Variants in HACD3 observed in about 807,000 individuals in gnomAD.
The protein encoded by HACD3 is very-long-chain (3R)-3-hydroxyacyl-CoA dehydratase 3.
Under a neutral mutation model 55.2 loss-of-function variants are expected in HACD3, and 30 were observed. That is an observed-to-expected ratio of 0.54 (90% CI 0.41 to 0.74). The LOEUF is 0.74. Among genes scored for constraint, HACD3 ranks in the 30% least tolerant of loss-of-function variants. HACD3 has a pLI of 0.00. For synonymous variants in HACD3, 141 were observed against 151.7 expected, an observed-to-expected ratio of 0.93 and a Z score of 0.52; for missense variants, 363 against 440.1, an observed-to-expected ratio of 0.82 and a Z score of 1.57.
At chr15:65,558,595 C>A in intron 4 of HACD3, 85 bp from the exon 5 acceptor site, 1 of 1,322,386 alleles carries the variant, frequency 7.6e-7, no homozygotes, top group South Asian at 1.3e-5. Context: ...TTGAGGGAGT[C>A]AGATTACTCA....
chr15:65,561,325 G>T (rs931121768), intron 5 of HACD3, among the ~76,000 whole-genome samples: 5 of 152,104 alleles, frequency 3.3e-5, no homozygotes, highest in African/African-American at 1.2e-4. Flanking sequence ...AATTAGCCGG[G>T]CGTGGTGGCG....
At chr15:65,570,995 T>G (rs565639090) in intron 8 of HACD3, among the ~76,000 whole-genome samples, 25 of 152,330 alleles carry the variant, frequency 1.6e-4, no homozygotes, top group Non-Finnish European at 2.8e-4. Flanking sequence ...AATGTGCTGA[T>G]GTAACAAGGT....
intron 2 of HACD3, among the ~76,000 whole-genome samples, chr15:65,554,108 C>G (rs530356272): frequency 1.3e-5 from 2 of 152,322 alleles, no homozygotes; most frequent in South Asian, 2.1e-4. Context: ...GTTTTAGATT[C>G]AGAGCTGTCC....
intron 1 of HACD3, chr15:65,535,809 G>T: frequency 1.6e-6 from 1 of 641,600 alleles, no homozygotes; most frequent in South Asian, 1.7e-5. Flanking sequence ...AGTCCTCCTG[G>T]CTCAGCCTAC....
At position 65,576,375 on chromosome 15, in the gene HACD3, A is replaced by T; in HGVS notation, c.1085A>T (p.His362Leu). 1 of 1,597,850 alleles carries T rather than the reference A, an allele frequency of 6.3e-7. No homozygotes were observed. The highest frequency in any genetic ancestry group is 1.7e-4 in the Middle Eastern group (1 of 5,762). Residue 362 changes from histidine to leucine, a missense_variant, in exon 11 of 11, where the codon CAC (histidine) becomes CTC (leucine). Coordinates refer to ENST00000261875, the MANE Select transcript of HACD3 (RefSeq NM_016395.4). ...RRYGQKKKKI[H>L] Reference sequence around the variant, plus strand: ...TATGGACAAAAAAAGAAAAAGATCCACTAAAAAGAAAGATTTAGATGGCTT... The same window carrying T: ...TATGGACAAAAAAAGAAAAAGATCCTCTAAAAAGAAAGATTTAGATGGCTT...
At chr15:65,547,845 G>A (rs1300435157) in intron 1 of HACD3, among the ~76,000 whole-genome samples, 1 of 152,206 alleles carries the variant, frequency 6.6e-6, no homozygotes, top group Admixed American at 6.5e-5. Context: ...AACAGTTATT[G>A]AGGCATTAGG....
intron 1 of HACD3, among the ~76,000 whole-genome samples, chr15:65,539,027 A>G (rs1230641130): frequency 6.6e-6 from 1 of 152,172 alleles, no homozygotes; most frequent in African/African-American, 2.4e-5. Context: ...GGGAAACCAG[A>G]AACTTTGTGT....
chr15:65,572,467 G>A, intron 10 of HACD3, 101 bp downstream of exon 10: 1 of 1,304,908 alleles, frequency 7.7e-7, no homozygotes, highest in Non-Finnish European at 1.0e-6. Context: ...ATTCTTTTGG[G>A]ACAGAATTAG....
chr15:65,536,253 C>T (rs1176789014), intron 1 of HACD3, among the ~76,000 whole-genome samples: 1 of 152,014 alleles, frequency 6.6e-6, no homozygotes, highest in African/African-American at 2.4e-5. Flanking sequence ...CCACCTCGGC[C>T]TCCCAAAGTG....
Position 65,530,493 on chromosome 15 carries a change from G to A in HACD3, c.-139G>A. 1 of 680,590 alleles carries A rather than the reference G, an allele frequency of 1.5e-6. No homozygotes were observed. Among genetic ancestry groups the A allele is most frequent in the Non-Finnish European group, 2.3e-6 (1 of 437,382 alleles). 42.2% of individuals were successfully genotyped at this position (680,590 alleles called of 1,614,324 possible). ...TGCGCAGGCGCGGCCCGCGAGCGTG[G>A]GGTATCTCGAGGTGCCGGGTTGCAG... On this transcript the variant is annotated 5_prime_UTR_variant, in exon 1 of 11. Coordinates refer to ENST00000261875, the MANE Select transcript of HACD3 (RefSeq NM_016395.4).
chr15:65,568,854 A>G (rs2072319414), intron 7 of HACD3, among the ~76,000 whole-genome samples: 1 of 152,214 alleles, frequency 6.6e-6, no homozygotes, highest in Non-Finnish European at 1.5e-5. Context: ...TAAAACCCAG[A>G]AACAGACAAC....
intron 10 of HACD3, among the ~76,000 whole-genome samples, chr15:65,572,926 A>T (rs200154954): frequency 2.3e-4 from 33 of 145,920 alleles, no homozygotes; most frequent in Middle Eastern, 3.5e-3. Context: ...AAAAAAAAAA[A>T]AAAATAAATA....
At chr15:65,532,643 A>G (rs2071913588) in intron 1 of HACD3, among the ~76,000 whole-genome samples, 1 of 152,078 alleles carries the variant, frequency 6.6e-6, no homozygotes, top group Non-Finnish European at 1.5e-5. Flanking sequence ...AAAAAAAAAA[A>G]AAAAAAAGTA....
chr15:65,576,501 C>G lies in HACD3; in HGVS notation c.*122C>G. The G allele has an allele frequency of 9.7e-7, 1 of 1,030,464 alleles. No homozygotes were observed. Among genetic ancestry groups the G allele is most frequent in the Non-Finnish European group, 1.4e-6 (1 of 721,320 alleles). 63.8% of individuals were successfully genotyped at this position (1,030,464 alleles called of 1,614,324 possible). On this transcript the variant is annotated 3_prime_UTR_variant, in exon 11 of 11. Coordinates refer to ENST00000261875, the MANE Select transcript of HACD3 (RefSeq NM_016395.4). ...ATGATTAAATTCTCAGTGAGGCTAT[C>G]TTCCTTTTCCCCAGTAACATTCCTG...
At position 65,576,562 on chromosome 15, in the gene HACD3, A is replaced by G. The variant is rs1458851062; in HGVS notation, c.*183A>G. ...TATCTTATTGTAGTACTTGCATGAC[A>G]TGGATTCCTGATATCTGATGAGAGG... On this transcript the variant is annotated 3_prime_UTR_variant, in exon 11 of 11. Coordinates refer to ENST00000261875, the MANE Select transcript of HACD3 (RefSeq NM_016395.4). The G allele has an allele frequency of 3.3e-5, 22 of 671,510 alleles. No homozygotes were observed. The East Asian group carries it at 5.9e-4, about 18-fold the overall frequency. 41.6% of individuals were successfully genotyped at this position (671,510 alleles called of 1,614,324 possible).
At chr15:65,549,192 T>C (rs1298485202) in intron 1 of HACD3, among the ~76,000 whole-genome samples, 1 of 152,192 alleles carries the variant, frequency 6.6e-6, no homozygotes, top group Non-Finnish European at 1.5e-5. Context: ...GGAACTCAGA[T>C]AAGCTGAACG....
At chr15:65,558,375 G>A (rs113797379) in intron 4 of HACD3, among the ~76,000 whole-genome samples, 7 of 152,164 alleles carry the variant, frequency 4.6e-5, no homozygotes, top group African/African-American at 1.7e-4. Flanking sequence ...TTATTTCTCT[G>A]ACTGCGACAG....
chr15:65,558,769 T>C lies in HACD3; in HGVS notation c.421+38T>C, dbSNP rs762550921. The C allele has an allele frequency of 1.9e-5, 30 of 1,570,928 alleles. No homozygotes were observed. In the South Asian group the frequency reaches 2.3e-4, roughly 12 times the overall value. Reference sequence around the variant, plus strand: ...GCTGCCATGGTAGTTACCAGTTAACTTGTGCTAGTGTTGGAAGTATGGATA... The same window carrying C: ...GCTGCCATGGTAGTTACCAGTTAACCTGTGCTAGTGTTGGAAGTATGGATA... On this transcript the variant is annotated intron_variant, in intron 5 of 10. Coordinates refer to ENST00000261875, the MANE Select transcript of HACD3 (RefSeq NM_016395.4).
At chr15:65,554,515 T>C (rs1193464485) in intron 2 of HACD3, among the ~76,000 whole-genome samples, 8 of 152,102 alleles carry the variant, frequency 5.3e-5, no homozygotes, top group Non-Finnish European at 1.2e-4. Context: ...GTGGCTCATG[T>C]CTGTAATCCC....
Sources: gnomAD v4.1 joint callset for allele counts (sites outside exome capture counted in the v4.1 genomes callset) on GRCh38, gnomAD v4.1.1 for gene constraint, MANE v1.5 for transcripts, NCBI Gene and HGNC (gene_info 2026-07-23, HGNC 2026-07-21) for gene names.